Variants in NT5DC1 observed in about 807,000 individuals in gnomAD.
NT5DC1 encodes 5'-nucleotidase domain-containing protein 1.
A neutral mutation model predicts 59.4 loss-of-function variants in NT5DC1; 42 were observed. The observed-to-expected ratio is 0.71, with a 90% confidence interval of 0.55 to 0.92. The LOEUF (loss-of-function observed/expected upper bound fraction) is 0.92, where lower values mean the gene tolerates loss of function less well. Ranked by LOEUF, NT5DC1 falls within the 40% of genes least tolerant of loss-of-function variation. The pLI is 0.00. For synonymous variants in NT5DC1, 172 were observed against 188.1 expected, an observed-to-expected ratio of 0.91 and a Z score of 0.70; for missense variants, 501 against 537.1, an observed-to-expected ratio of 0.93 and a Z score of 0.66.
intron 6 of NT5DC1, among the ~76,000 whole-genome samples, chr6:116,131,741 G>A (rs1279710809): frequency 1.3e-5 from 2 of 151,996 alleles, no homozygotes; most frequent in East Asian, 1.9e-4. Flanking sequence ...TTGTGTCATG[G>A]GGCTTTATTG....
chr6:116,189,349 C>G (rs779926458), intron 6 of NT5DC1, among the ~76,000 whole-genome samples: 1 of 151,878 alleles, frequency 6.6e-6, no homozygotes, highest in Non-Finnish European at 1.5e-5. Context: ...TTGAGACTTA[C>G]ATATAGTTCC....
chr6:116,135,863 A>ATGTG (rs1562132679), intron 6 of NT5DC1, among the ~76,000 whole-genome samples: 22 of 124,872 alleles, frequency 1.8e-4, no homozygotes, highest in African/African-American at 6.3e-4. Flanking sequence ...ATATATATAT[A>ATGTG]TATATATATA....
At chr6:116,127,328 A>G (rs1164089603) in intron 6 of NT5DC1, among the ~76,000 whole-genome samples, 1 of 152,148 alleles carries the variant, frequency 6.6e-6, no homozygotes, top group Non-Finnish European at 1.5e-5. Flanking sequence ...TGGAAATGTA[A>G]ATGGATAAGG....
chr6:116,200,349 A>G (rs1781322911), intron 6 of NT5DC1, among the ~76,000 whole-genome samples: 2 of 152,068 alleles, frequency 1.3e-5, no homozygotes, highest in Non-Finnish European at 2.9e-5. Flanking sequence ...CCTGGCACAG[A>G]AAAGAGACAT....
chr6:116,183,237 C>A (rs1780926026), intron 6 of NT5DC1, among the ~76,000 whole-genome samples: 1 of 151,774 alleles, frequency 6.6e-6, no homozygotes, highest in African/African-American at 2.4e-5. Flanking sequence ...GTCTGTGTGC[C>A]CGTTTTTATA....
At chr6:116,176,460 G>T (rs1352088536) in intron 6 of NT5DC1, among the ~76,000 whole-genome samples, 2 of 152,136 alleles carry the variant, frequency 1.3e-5, no homozygotes, top group African/African-American at 2.4e-5. Context: ...CTGCTTTACT[G>T]GTTCTCCTCC....
intron 11 of NT5DC1, among the ~76,000 whole-genome samples, chr6:116,241,944 C>CAAAAAAAA (rs1173659223): frequency 5.8e-5 from 2 of 34,414 alleles, no homozygotes; most frequent in Non-Finnish European, 8.9e-5. Context: ...AAAAACAAAA[C>CAAAAAAAA]AAAAAAAAAA....
At chr6:116,120,587 G>T (rs764774097) in intron 6 of NT5DC1, 1 of 1,590,908 alleles carries the variant, frequency 6.3e-7, no homozygotes, top group African/African-American at 1.4e-5. Flanking sequence ...TGGAGGCCCA[G>T]GGGGCCCTGG....
chr6:116,150,207 T>C lies in NT5DC1; in HGVS notation c.529+32262T>C, dbSNP rs73772287. Among the ~76,000 whole-genome samples the C allele has an allele frequency of 4.8e-3, 736 of 152,318 alleles. 12 individuals are homozygous for C. Among genetic ancestry groups the C allele is most frequent in the South Asian group, 0.043 (207 of 4,816 alleles). On this transcript the variant is annotated intron_variant, in intron 6 of 11. Coordinates refer to ENST00000319550, the MANE Select transcript of NT5DC1 (RefSeq NM_152729.3). Reference sequence around the variant, plus strand: ...ATGTTTTTAAAACATTACTATGGCTTTCACATGGAGAGCATGCTGAGGGAG... The same window carrying C: ...ATGTTTTTAAAACATTACTATGGCTCTCACATGGAGAGCATGCTGAGGGAG...
chr6:116,214,708 A>T (rs371726205), intron 6 of NT5DC1, among the ~76,000 whole-genome samples: 1 of 152,122 alleles, frequency 6.6e-6, no homozygotes, highest in Non-Finnish European at 1.5e-5. Context: ...GAAATATCAT[A>T]TTCAAAATGC....
intron 7 of NT5DC1, among the ~76,000 whole-genome samples, chr6:116,222,182 A>G (rs1280272061): frequency 6.6e-6 from 1 of 152,150 alleles, no homozygotes; most frequent in African/African-American, 2.4e-5. Context: ...ATACATAATA[A>G]TGCATCTTTT....
chr6:116,163,069 G>T (rs566953794), intron 6 of NT5DC1, among the ~76,000 whole-genome samples: 24 of 144,708 alleles, frequency 1.7e-4, no homozygotes, highest in African/African-American at 6.2e-4. Flanking sequence ...GGAGCTTGCA[G>T]TGAGCCGAGA....
chr6:116,147,455 A>C (rs182240784), intron 6 of NT5DC1, among the ~76,000 whole-genome samples: 1 of 152,072 alleles, frequency 6.6e-6, no homozygotes, highest in Non-Finnish European at 1.5e-5. Flanking sequence ...AAAGAAAAAA[A>C]AAATAAAAAG....
chr6:116,239,633 G>A (rs1276916798), intron 11 of NT5DC1, among the ~76,000 whole-genome samples: 1 of 152,166 alleles, frequency 6.6e-6, no homozygotes, highest in Non-Finnish European at 1.5e-5. Context: ...TTTTCACAGG[G>A]ACTAAAACTC....
Position 116,237,987 on chromosome 6 carries a change from A to G in NT5DC1, c.922-200A>G, listed in dbSNP as rs1015560597. On this transcript the variant is annotated intron_variant, in intron 9 of 11. Transcript: ENST00000319550. ...CTGTGAATGTGTTGTATAACTTCTTAAGACAAATCTGGCACCCTGTGAATC... is the reference window on the plus strand; with the variant it reads ...CTGTGAATGTGTTGTATAACTTCTTGAGACAAATCTGGCACCCTGTGAATC... 2.6e-5 allele frequency among the ~76,000 whole-genome samples: 4 copies of G among 152,352 alleles called. No homozygotes were observed. The East Asian group carries it at 7.7e-4, about 29-fold the overall frequency.
intron 6 of NT5DC1, among the ~76,000 whole-genome samples, chr6:116,162,552 TTC>T (rs1351247575): frequency 6.6e-6 from 1 of 152,232 alleles, no homozygotes; most frequent in Non-Finnish European, 1.5e-5. Flanking sequence ...TTGTTTTTAA[TTC>T]TGTTTATGTG....
At position 116,106,314 on chromosome 6, in the gene NT5DC1, C is replaced by A; in HGVS notation, c.164C>A (p.Thr55Asn). 2 of 1,541,974 alleles carry A rather than the reference C, an allele frequency of 1.3e-6. No individual in the cohort carries two copies. The highest frequency in any genetic ancestry group is 1.8e-6 in the Non-Finnish European group (2 of 1,116,966). ...TACGATAAGGAATTGCTCAATGTGA[C>A]CCCAGAGGATTGGGATTTCTGGTAA... ...KGYDKELLNV[T>N]PEDWDFCCKG... The change falls in exon 2 of 12, where the codon ACC (threonine) becomes AAC (asparagine). Residue 55 changes from threonine to asparagine, a missense_variant. Coordinates refer to ENST00000319550, the MANE Select transcript of NT5DC1 (RefSeq NM_152729.3).
intron 9 of NT5DC1, 28 bp from the exon 10 acceptor site, chr6:116,238,159 C>A: frequency 6.5e-7 from 1 of 1,545,826 alleles, no homozygotes; most frequent in Non-Finnish European, 8.7e-7. Context: ...TTCTGTGCCT[C>A]AAACAGCATC....
At chr6:116,203,976 C>T (rs768298994) in intron 6 of NT5DC1, among the ~76,000 whole-genome samples, 4 of 151,874 alleles carry the variant, frequency 2.6e-5, no homozygotes, top group Non-Finnish European at 5.9e-5. Flanking sequence ...GACACACACA[C>T]GGTGATCATC....
Sources: allele counts gnomAD v4.1 joint callset (sites outside exome capture counted in the v4.1 genomes callset), GRCh38; gene constraint gnomAD v4.1.1; transcripts MANE v1.5; gene names NCBI Gene and HGNC (gene_info 2026-07-23, HGNC 2026-07-21).